SH3GL2: variants seen among roughly 807,000 people sequenced by gnomAD.
SH3GL2 encodes the protein endophilin-A1.
In SH3GL2, 24 loss-of-function variants were observed where a neutral mutation model predicts 46.0. That is an observed-to-expected ratio of 0.52 (90% confidence interval 0.38 to 0.73). The LOEUF (loss-of-function observed/expected upper bound fraction) is 0.73, where lower values mean the gene tolerates loss of function less well. SH3GL2 is among the 30% of genes least tolerant of loss of function. SH3GL2 has a pLI of 0.00. For missense variants in SH3GL2, 413 were observed against 424.2 expected (o/e 0.97, Z 0.23); for synonymous variants, 196 against 147.1 (o/e 1.33, Z -2.40).
intron 1 of SH3GL2, among the ~76,000 whole-genome samples, chr9:17,744,984 C>G (rs1375754356): frequency 6.6e-6 from 1 of 152,150 alleles, no homozygotes; most frequent in East Asian, 1.9e-4. Flanking sequence ...TCCAGCACCA[C>G]GGACAGCTCT....
At chr9:17,792,020 C>G (rs978332603) in intron 7 of SH3GL2, among the ~76,000 whole-genome samples, 1 of 152,118 alleles carries the variant, frequency 6.6e-6, no homozygotes, top group Non-Finnish European at 1.5e-5. Context: ...TTAATTTAGC[C>G]AGATTAAACA....
chr9:17,618,646 C>T (rs1819061104), intron 1 of SH3GL2, among the ~76,000 whole-genome samples: 1 of 152,082 alleles, frequency 6.6e-6, no homozygotes, highest in Non-Finnish European at 1.5e-5. Context: ...CTAGACCTGG[C>T]TTGGGGCTTT....
intron 1 of SH3GL2, among the ~76,000 whole-genome samples, chr9:17,734,635 A>G (rs1039721590): frequency 6.6e-6 from 1 of 152,176 alleles, no homozygotes; most frequent in African/African-American, 2.4e-5. Context: ...GGAATGAAGC[A>G]GTGATACATG....
intron 1 of SH3GL2, among the ~76,000 whole-genome samples, chr9:17,665,275 G>C (rs1014609676): frequency 6.6e-6 from 1 of 152,086 alleles, no homozygotes; most frequent in Non-Finnish European, 1.5e-5. Context: ...AATTTTGTCA[G>C]TTGTCCCAAT....
Position 17,605,502 on chromosome 9 carries a change from G to A in SH3GL2, c.45+26215G>A, listed in dbSNP as rs1489818371. ...GGGGTAAGAGGCTAGAAATATAAAG[G>A]GTAATGAAATGCTGCTGACATGCAG... On this transcript the variant is annotated intron_variant, in intron 1 of 8. Coordinates refer to ENST00000380607, the MANE Select transcript of SH3GL2 (RefSeq NM_003026.5). 2.0e-5 allele frequency among the ~76,000 whole-genome samples: 3 copies of A among 152,160 alleles called. No homozygotes were observed. In the East Asian group the frequency reaches 5.8e-4, roughly 30 times the overall value.
chr9:17,790,446 T>A, intron 6 of SH3GL2: 1 of 982,746 alleles, frequency 1.0e-6, no homozygotes, highest in Non-Finnish European at 1.2e-6. Context: ...TATCCAGACT[T>A]TCCTACCACC....
intron 1 of SH3GL2, among the ~76,000 whole-genome samples, chr9:17,631,449 C>G (rs967571298): frequency 6.6e-6 from 1 of 152,188 alleles, no homozygotes; most frequent in Non-Finnish European, 1.5e-5. Context: ...TCATTCTTTT[C>G]TGGGCTTTAT....
intron 1 of SH3GL2, among the ~76,000 whole-genome samples, chr9:17,619,840 T>G (rs1341055930): frequency 2.0e-5 from 3 of 147,534 alleles, no homozygotes; most frequent in Admixed American, 2.0e-4. Flanking sequence ...TTAGAGAATG[T>G]TTTAATGGGG....
chr9:17,665,058 G>T (rs1165924696), intron 1 of SH3GL2, among the ~76,000 whole-genome samples: 2 of 152,104 alleles, frequency 1.3e-5, no homozygotes, highest in East Asian at 3.8e-4. Context: ...ATTCACCAGT[G>T]TTCATCTTTT....
intron 1 of SH3GL2, among the ~76,000 whole-genome samples, chr9:17,686,502 C>T (rs1437404204): frequency 1.2e-4 from 18 of 146,492 alleles, no homozygotes; most frequent in East Asian, 3.9e-4. Context: ...ATGTTTATTG[C>T]GGCATTATCC....
At chr9:17,751,479 CGTGTGT>C (rs58212352) in intron 2 of SH3GL2, among the ~76,000 whole-genome samples, 23,299 of 146,418 alleles carry the variant, frequency 0.16, 2,227 homozygotes, top group Middle Eastern at 0.26. Flanking sequence ...TTTGTGTGTG[CGTGTGT>C]GTGTGTGTGT....
At chr9:17,620,692 A>G (rs189061502) in intron 1 of SH3GL2, among the ~76,000 whole-genome samples, 11 of 152,302 alleles carry the variant, frequency 7.2e-5, no homozygotes, top group African/African-American at 2.6e-4. Flanking sequence ...AGATTTTTCA[A>G]GATAGAATTT....
chr9:17,793,431 T>C lies in SH3GL2; in HGVS notation c.793T>C (p.Phe265Leu). 1 of 1,611,896 alleles carries C rather than the reference T, an allele frequency of 6.2e-7. No homozygotes were observed. Among genetic ancestry groups the C allele is most frequent in the East Asian group, 2.2e-5 (1 of 44,744 alleles). ...ACCTAAACCACGAATGAGCCTGGAGTTTCCAACTGGAGACAGTACTCAGCC... is the reference window on the plus strand; with the variant it reads ...ACCTAAACCACGAATGAGCCTGGAGCTTCCAACTGGAGACAGTACTCAGCC... ...YQPKPRMSLE[F>L]PTGDSTQPNG... The change falls in exon 8 of 9, where the codon TTT becomes CTT. Residue 265 changes from phenylalanine (F) to leucine (L), a missense_variant. Transcript: ENST00000380607.
intron 1 of SH3GL2, among the ~76,000 whole-genome samples, chr9:17,653,318 CTG>C (rs1016455684): frequency 1.1e-4 from 16 of 152,044 alleles, no homozygotes; most frequent in Non-Finnish European, 2.2e-4. Flanking sequence ...AAATATTTGA[CTG>C]TTATTTCTTC....
intron 6 of SH3GL2, 36 bp downstream of exon 6, chr9:17,789,586 C>A (rs764703623): frequency 1.9e-6 from 3 of 1,609,118 alleles, no homozygotes; most frequent in Non-Finnish European, 2.5e-6. Flanking sequence ...TTAATCTTAT[C>A]ATCGAGGCAC....
At chr9:17,775,782 C>T (rs1378149202) in intron 3 of SH3GL2, among the ~76,000 whole-genome samples, 5 of 152,224 alleles carry the variant, frequency 3.3e-5, no homozygotes, top group East Asian at 3.9e-4. Flanking sequence ...CATTAGGTTT[C>T]CCCCAACAGT....
chr9:17,594,359 C>T (rs1261054300), intron 1 of SH3GL2, among the ~76,000 whole-genome samples: 2 of 152,124 alleles, frequency 1.3e-5, no homozygotes, highest in African/African-American at 4.8e-5. Context: ...TTTGATTAAT[C>T]ACCACTTTAT....
At chr9:17,779,451 C>T (rs571425285) in intron 3 of SH3GL2, among the ~76,000 whole-genome samples, 5 of 152,040 alleles carry the variant, frequency 3.3e-5, no homozygotes, top group South Asian at 2.1e-4. Flanking sequence ...TATGAGAGCT[C>T]GGATAGGCTT....
chr9:17,730,959 G>A (rs1465604017), intron 1 of SH3GL2, among the ~76,000 whole-genome samples: 4 of 152,086 alleles, frequency 2.6e-5, no homozygotes, highest in Admixed American at 6.6e-5. Context: ...CTTAGAGAAC[G>A]GGATGTTTTT....
Sources: allele counts gnomAD v4.1 joint callset (sites outside exome capture counted in the v4.1 genomes callset), GRCh38; gene constraint gnomAD v4.1.1; transcripts MANE v1.5; gene names NCBI Gene and HGNC (gene_info 2026-07-23, HGNC 2026-07-21).